The following AVEN variants were observed in gnomAD, a reference collection of about 807,000 sequenced individuals.
The protein encoded by AVEN is cell death regulator Aven.
AVEN carries 41 observed loss-of-function variants against 38.1 expected under a neutral mutation model. The ratio of observed to expected loss-of-function variants is 1.08; its 90% CI spans 0.84 to 1.40. The LOEUF (loss-of-function observed/expected upper bound fraction) is 1.40. Ranked by LOEUF, AVEN falls within the 40% of genes most tolerant of loss-of-function variation. The pLI, the probability that AVEN is intolerant of heterozygous loss-of-function variation, is 0.00. For missense variants in AVEN, 605 were observed against 438.8 expected (o/e 1.38, Z -3.38); for synonymous variants, 206 against 171.8 (o/e 1.20, Z -1.56).
At chr15:33,942,273 T>G (rs1163751735) in intron 2 of AVEN, among the ~76,000 whole-genome samples, 1 of 152,150 alleles carries the variant, frequency 6.6e-6, no homozygotes, top group Non-Finnish European at 1.5e-5. Flanking sequence ...TGCCCACTCC[T>G]CTTGCTGTCA....
At chr15:33,867,472 G>A (rs570842145) in intron 5 of AVEN, 23 bp downstream of exon 5, 50 of 1,542,728 alleles carry the variant, frequency 3.2e-5, no homozygotes, top group Middle Eastern at 1.8e-4. Flanking sequence ...CAAGATTCAC[G>A]GGGAATAAAA....
At chr15:33,908,692 A>G (rs1224134980) in intron 2 of AVEN, among the ~76,000 whole-genome samples, 1 of 152,194 alleles carries the variant, frequency 6.6e-6, no homozygotes, top group Non-Finnish European at 1.5e-5. Flanking sequence ...CTGAAGTCTG[A>G]GTAATAATCC....
chr15:33,857,959 C>T (rs1239421631), downstream of AVEN: 5 of 1,606,900 alleles, frequency 3.1e-6, no homozygotes, highest in Non-Finnish European at 3.4e-6. Flanking sequence ...ACTGCGGGGC[C>T]ACCCCGCCCC....
chr15:33,866,543 A>C lies in AVEN; in HGVS notation c.*70T>G. On this transcript the variant is annotated 3_prime_UTR_variant, in exon 6 of 6. Transcript: ENST00000306730. ...ATGCTTGTAAACTGGCTGGTCCTGA[A>C]GGACAGCCTTATGCCCACCTGCCGT... 1 of 1,177,412 alleles carries C rather than the reference A, an allele frequency of 8.5e-7. No individual in the cohort carries two copies. Among genetic ancestry groups the C allele is most frequent in the East Asian group, 2.3e-5 (1 of 42,716 alleles). The allele number at this position is 1,177,412 out of a possible 1,614,324, so 72.9% of individuals were successfully genotyped here. A position where few individuals can be genotyped will look rare whatever the true frequency, so the allele number is the denominator to read the frequency against.
At chr15:33,855,008 G>C (rs1021525896), downstream of AVEN, 5 of 1,242,212 alleles carry the variant, frequency 4.0e-6, no homozygotes, top group African/African-American at 7.7e-5. Context: ...GAAGGAATAT[G>C]TCTTGGTATA....
intron 2 of AVEN, among the ~76,000 whole-genome samples, chr15:33,903,370 C>T (rs1316503874): frequency 3.3e-5 from 5 of 152,178 alleles, no homozygotes; most frequent in Admixed American, 6.5e-5. Context: ...CAATGTGAGG[C>T]CCTATACTAG....
At chr15:33,924,256 C>A (rs914923421) in intron 2 of AVEN, among the ~76,000 whole-genome samples, 4 of 151,632 alleles carry the variant, frequency 2.6e-5, no homozygotes, top group African/African-American at 9.7e-5. Context: ...TGTAGTCCCA[C>A]CTACTCGGGA....
At chr15:34,020,548 C>G (rs1248021809) in intron 1 of AVEN, among the ~76,000 whole-genome samples, 1 of 152,214 alleles carries the variant, frequency 6.6e-6, no homozygotes, top group East Asian at 1.9e-4. Context: ...AGAACATCCC[C>G]TCTTCTCACA....
chr15:33,897,577 T>C (rs573182454), intron 2 of AVEN, among the ~76,000 whole-genome samples: 1 of 152,198 alleles, frequency 6.6e-6, no homozygotes, highest in South Asian at 2.1e-4. Context: ...GCCATGAATT[T>C]ATTTTTTTAA....
chr15:34,031,180 T>TTTA, intron 1 of AVEN, among the ~76,000 whole-genome samples: 1 of 140,200 alleles, frequency 7.1e-6, no homozygotes, highest in Admixed American at 7.2e-5. Context: ...TTTTTTTTTT[T>TTTA]TTTTTTTTTT....
chr15:33,909,043 C>T (rs1206016790), intron 2 of AVEN, among the ~76,000 whole-genome samples: 1 of 152,202 alleles, frequency 6.6e-6, no homozygotes, highest in Non-Finnish European at 1.5e-5. Context: ...TTCTACCACT[C>T]TGAGCTGCCT....
intron 2 of AVEN, among the ~76,000 whole-genome samples, chr15:33,977,564 C>T (rs1895940860): frequency 6.6e-6 from 1 of 152,194 alleles, no homozygotes; most frequent in Non-Finnish European, 1.5e-5. Flanking sequence ...TATGCTTGCT[C>T]TCCTCCAAGG....
the AVEN span, chr15:33,852,070 G>GTTATTCT: frequency 1.3e-5 from 2 of 151,892 alleles, no homozygotes; most frequent in African/African-American, 4.8e-5. Flanking sequence ...GGCATGAGAG[G>GTTATTCT]TCAGTGAATA....
At chr15:34,071,838 T>C (rs1211640053) in intron 1 of AVEN, among the ~76,000 whole-genome samples, 1 of 152,222 alleles carries the variant, frequency 6.6e-6, no homozygotes, top group Non-Finnish European at 1.5e-5. Context: ...AATCCTTTGA[T>C]AGGTCCTTTC....
chr15:33,854,961 A>G (rs753258274), downstream of AVEN: 2 of 1,519,840 alleles, frequency 1.3e-6, no homozygotes, highest in Non-Finnish European at 1.8e-6. Flanking sequence ...TATGCACAGG[A>G]AAAAAAGAAC....
chr15:33,989,392 C>A (rs1042986777), intron 2 of AVEN, among the ~76,000 whole-genome samples: 5 of 151,640 alleles, frequency 3.3e-5, no homozygotes, highest in Admixed American at 2.0e-4. Flanking sequence ...ATCGTCACAA[C>A]TACCCCTAGA....
At position 34,055,126 on chromosome 15, in the gene AVEN, C is replaced by T. The variant is rs575257234; in HGVS notation, n.1637+7796G>A. On this transcript the variant is annotated intron_variant and non_coding_transcript_variant, in intron 5 of 11. Coordinates refer to the AVEN transcript ENST00000675287. Reference sequence around the variant, plus strand: ...AGAATCACTTGAACCCGGGAGGCGGCGATTGCGGTGAGCCGAGATCACACC... The same window carrying T: ...AGAATCACTTGAACCCGGGAGGCGGTGATTGCGGTGAGCCGAGATCACACC... Among the ~76,000 whole-genome samples the T allele has an allele frequency of 3.4e-5, 5 of 147,108 alleles. No homozygotes were observed. In the East Asian group the frequency reaches 6.2e-4, roughly 18 times the overall value.
chr15:33,931,529 C>T (rs1893851047), intron 2 of AVEN, among the ~76,000 whole-genome samples: 1 of 152,040 alleles, frequency 6.6e-6, no homozygotes, highest in Non-Finnish European at 1.5e-5. Context: ...CGCCACCACA[C>T]CCAGCTAATT....
chr15:33,861,506 G>C (rs1888207716), downstream of AVEN, among the ~76,000 whole-genome samples: 1 of 148,632 alleles, frequency 6.7e-6, no homozygotes, highest in Non-Finnish European at 1.5e-5. Flanking sequence ...CCTAAACAAA[G>C]AAAAATCTGT....
Sources: gnomAD v4.1 joint callset for allele counts (sites outside exome capture counted in the v4.1 genomes callset) on GRCh38, gnomAD v4.1.1 for gene constraint, MANE v1.5 for transcripts, NCBI Gene and HGNC (gene_info 2026-07-23, HGNC 2026-07-21) for gene names.